Variants in NPAS3 observed in about 807,000 individuals in gnomAD.
The protein encoded by NPAS3 is neuronal PAS domain protein 3.
In NPAS3, 14 loss-of-function variants were observed where a neutral mutation model predicts 73.1. The observed-to-expected ratio is 0.19, with a 90% CI of 0.13 to 0.30. The LOEUF (loss-of-function observed/expected upper bound fraction) is 0.30, where lower values mean the gene tolerates loss of function less well. Ranked by LOEUF, NPAS3 falls within the 10% of genes least tolerant of loss-of-function variation. The probability of loss-of-function intolerance (pLI) is 1.00; values close to 1 mark genes in which losing one functional copy is unlikely to be tolerated. For missense variants in NPAS3, 1,096 were observed against 1,250.0 expected, an observed-to-expected ratio of 0.88 and a Z score of 1.86; for synonymous variants, 620 against 541.5, an observed-to-expected ratio of 1.14 and a Z score of -2.01.
chr14:33,529,573 C>T (rs1469825557), intron 4 of NPAS3, among the ~76,000 whole-genome samples: 1 of 151,918 alleles, frequency 6.6e-6, no homozygotes, highest in Admixed American at 6.6e-5. Context: ...AATCCATTTC[C>T]TTTGTGTTGT....
intron 5 of NPAS3, among the ~76,000 whole-genome samples, chr14:33,621,940 G>A (rs1447355912): frequency 2.6e-5 from 4 of 152,060 alleles, no homozygotes; most frequent in Non-Finnish European, 5.9e-5. Flanking sequence ...CCTGCTTGGA[G>A]CCCATAATGA....
chr14:33,555,850 A>G (rs2055328783), intron 4 of NPAS3, among the ~76,000 whole-genome samples: 1 of 151,966 alleles, frequency 6.6e-6, no homozygotes, highest in Non-Finnish European at 1.5e-5. Flanking sequence ...AATGATAAGC[A>G]TAAAAGTGAA....
chr14:33,590,180 G>A (rs2057013102), intron 5 of NPAS3, among the ~76,000 whole-genome samples: 1 of 152,214 alleles, frequency 6.6e-6, no homozygotes, highest in South Asian at 2.1e-4. Flanking sequence ...GTAAAAAAAG[G>A]CAGAAAAAGA....
At chr14:33,534,672 T>G (rs913106969) in intron 4 of NPAS3, among the ~76,000 whole-genome samples, 2 of 152,174 alleles carry the variant, frequency 1.3e-5, no homozygotes, top group Non-Finnish European at 2.9e-5. Context: ...GTGTGGTTAT[T>G]TAATCGCATT....
chr14:33,283,370 A>G (rs917700762), intron 3 of NPAS3, among the ~76,000 whole-genome samples: 9 of 152,246 alleles, frequency 5.9e-5, no homozygotes, highest in African/African-American at 2.2e-4. Flanking sequence ...TTTCTATGAT[A>G]TAGGCGTTAT....
intron 6 of NPAS3, among the ~76,000 whole-genome samples, chr14:33,706,547 C>T (rs1312506708): frequency 2.0e-5 from 3 of 151,966 alleles, no homozygotes; most frequent in African/African-American, 2.4e-5. Context: ...CACTGGGGCA[C>T]GTGGATAGGA....
intron 3 of NPAS3, among the ~76,000 whole-genome samples, chr14:33,234,512 C>A (rs574270393): frequency 3.3e-5 from 5 of 152,166 alleles, no homozygotes; most frequent in Admixed American, 1.3e-4. Context: ...CAAATTCTAA[C>A]CACTGACTAA....
At chr14:33,783,813 C>T (rs550352222) in intron 9 of NPAS3, among the ~76,000 whole-genome samples, 1 of 152,158 alleles carries the variant, frequency 6.6e-6, no homozygotes, top group East Asian at 1.9e-4. Context: ...TCAGAATCTG[C>T]AGTTAGCAAG....
intron 7 of NPAS3, among the ~76,000 whole-genome samples, chr14:33,753,139 G>A (rs115858520): frequency 0.012 from 1,836 of 152,254 alleles, 47 homozygotes; most frequent in African/African-American, 0.042. Flanking sequence ...AATTCAAAGA[G>A]AAAGTGGAAA....
At chr14:33,093,041 T>G (rs1201809183) in intron 2 of NPAS3, among the ~76,000 whole-genome samples, 1 of 152,184 alleles carries the variant, frequency 6.6e-6, no homozygotes, top group Non-Finnish European at 1.5e-5. Context: ...GGTAATACCA[T>G]TCAGGACATA....
chr14:33,257,140 A>G (rs1350012561), intron 3 of NPAS3, among the ~76,000 whole-genome samples: 1 of 151,880 alleles, frequency 6.6e-6, no homozygotes, highest in East Asian at 1.9e-4. Context: ...ATCTGTCCCA[A>G]CCCTCCTTCT....
intron 4 of NPAS3, among the ~76,000 whole-genome samples, chr14:33,422,573 A>G (rs2048398906): frequency 6.6e-6 from 1 of 151,950 alleles, no homozygotes; most frequent in South Asian, 2.1e-4. Context: ...ATTTAAAAGC[A>G]TATATATGTA....
At chr14:33,404,459 G>A (rs187924555) in intron 4 of NPAS3, among the ~76,000 whole-genome samples, 2 of 151,892 alleles carry the variant, frequency 1.3e-5, no homozygotes, top group African/African-American at 4.8e-5. Flanking sequence ...TTCTGTAATG[G>A]GTACTTCATT....
At chr14:33,460,929 T>C (rs2050234708) in intron 4 of NPAS3, among the ~76,000 whole-genome samples, 1 of 152,164 alleles carries the variant, frequency 6.6e-6, no homozygotes, top group South Asian at 2.1e-4. Context: ...CTACAACTTT[T>C]TTAAAAACAA....
At position 33,448,147 on chromosome 14, in the gene NPAS3, A is replaced by T. The variant is rs115804251; in HGVS notation, c.468+80879A>T. ...AAAATTTGAAGTGCTTTTAAGACAT[A>T]TGTTAAAGATGGGACTGATTAGGGT... On this transcript the variant is annotated intron_variant, in intron 4 of 11. Coordinates refer to ENST00000356141, the Ensembl canonical transcript of NPAS3. 2.6e-5 allele frequency among the ~76,000 whole-genome samples: 4 copies of T among 152,342 alleles called. No individual in the cohort carries two copies. In the South Asian group the frequency reaches 8.3e-4, roughly 32 times the overall value.
At chr14:33,763,096 C>G (rs1382036140) in intron 7 of NPAS3, among the ~76,000 whole-genome samples, 1 of 152,168 alleles carries the variant, frequency 6.6e-6, no homozygotes, top group Non-Finnish European at 1.5e-5. Flanking sequence ...TTCACCTGAC[C>G]AGACCTCAGT....
At chr14:32,961,631 C>G (rs1307261809) in intron 1 of NPAS3, among the ~76,000 whole-genome samples, 1 of 152,066 alleles carries the variant, frequency 6.6e-6, no homozygotes, top group East Asian at 1.9e-4. Context: ...TTGTCATCAT[C>G]CTCATTCTCA....
rs879010133 is a variant in NPAS3 at position 33,461,762 on chromosome 14, G to A, written c.468+94494G>A. Among the ~76,000 whole-genome samples the A allele has an allele frequency of 4.6e-5, 7 of 152,178 alleles. No individual in the cohort carries two copies. In the East Asian group the frequency reaches 9.6e-4, roughly 21 times the overall value. On this transcript the variant is annotated intron_variant, in intron 4 of 11. Coordinates refer to ENST00000356141, the Ensembl canonical transcript of NPAS3. ...TAGATAATACTTCTTAAGCAACCCC[G>A]AAGAGGAAGCATAGCTTAGTGCAGG... is the stretch of plus-strand genomic sequence containing the variant.
chr14:33,057,562 T>G (rs1434729719), intron 2 of NPAS3, among the ~76,000 whole-genome samples: 2 of 152,224 alleles, frequency 1.3e-5, no homozygotes, highest in Non-Finnish European at 2.9e-5. Flanking sequence ...ACTGTTGGCT[T>G]AGAGGCTGAG....
Sources: allele counts gnomAD v4.1 joint callset (sites outside exome capture counted in the v4.1 genomes callset), GRCh38; gene constraint gnomAD v4.1.1; transcripts MANE v1.5; gene names NCBI Gene and HGNC (gene_info 2026-07-23, HGNC 2026-07-21).